Variants in RALYL observed in about 807,000 individuals in gnomAD.
RALYL encodes RALY RNA binding protein like, also known as RNA-binding Raly-like protein.
In RALYL, 29 loss-of-function variants were observed where a neutral mutation model predicts 35.1. The ratio of observed to expected loss-of-function variants is 0.83; its 90% CI spans 0.61 to 1.13. The LOEUF (loss-of-function observed/expected upper bound fraction) is 1.13, where lower values mean the gene tolerates loss of function less well. Ranked by LOEUF, RALYL falls within the 50% of genes most tolerant of loss-of-function variation. The pLI, the probability that RALYL is intolerant of heterozygous loss-of-function variation, is 0.00. For missense variants in RALYL, 359 were observed against 360.4 expected, an observed-to-expected ratio of 1.00 and a Z score of 0.03; for synonymous variants, 120 against 127.6, an observed-to-expected ratio of 0.94 and a Z score of 0.40.
At chr8:84,872,405 GTAAATTTTT>G (rs1404163175) in intron 6 of RALYL, 1 of 152,128 alleles carries the variant, frequency 6.6e-6, no homozygotes, top group Non-Finnish European at 1.5e-5. Context: ...GGACAGTGCA[GTAAATTTTT>G]TACAAATATA....
At chr8:84,304,794 A>G (rs1489312879) in intron 1 of RALYL, among the ~76,000 whole-genome samples, 5 of 152,214 alleles carry the variant, frequency 3.3e-5, no homozygotes, top group African/African-American at 1.2e-4. Flanking sequence ...TGCAGTAATG[A>G]AAGCTGATCA....
chr8:84,469,600 G>T (rs1231160786), intron 1 of RALYL, among the ~76,000 whole-genome samples: 3 of 152,148 alleles, frequency 2.0e-5, no homozygotes, highest in African/African-American at 7.2e-5. Flanking sequence ...CTTTTTGTTT[G>T]TGCCCTGCCC....
intron 2 of RALYL, among the ~76,000 whole-genome samples, chr8:84,562,589 A>C (rs552073587): frequency 1.3e-5 from 2 of 151,922 alleles, no homozygotes; most frequent in Non-Finnish European, 2.9e-5. Flanking sequence ...AATGGAACAG[A>C]TGGGCATCCA....
At chr8:84,399,177 G>A (rs1384090092) in intron 1 of RALYL, among the ~76,000 whole-genome samples, 1 of 152,066 alleles carries the variant, frequency 6.6e-6, no homozygotes, top group Non-Finnish European at 1.5e-5. Context: ...AGCAGCAGGA[G>A]TTTCATTACT....
At chr8:84,900,701 A>T (rs1220075746) in intron 8 of RALYL, among the ~76,000 whole-genome samples, 1 of 152,078 alleles carries the variant, frequency 6.6e-6, no homozygotes, top group East Asian at 1.9e-4. Flanking sequence ...AATTCTCCCT[A>T]TCAATATAGT....
intron 1 of RALYL, among the ~76,000 whole-genome samples, chr8:84,465,179 C>A (rs1321169985): frequency 2.2e-5 from 3 of 136,458 alleles, no homozygotes; most frequent in African/African-American, 8.3e-5. Context: ...TCTTTTGTTG[C>A]CATTGCTTTT....
At chr8:84,382,655 T>C (rs921439579) in intron 1 of RALYL, among the ~76,000 whole-genome samples, 2 of 151,726 alleles carry the variant, frequency 1.3e-5, no homozygotes, top group African/African-American at 2.4e-5. Context: ...TATAAAAATA[T>C]ATATCATTGA....
chr8:84,233,677 A>G (rs370802889), intron 1 of RALYL, among the ~76,000 whole-genome samples: 1 of 152,074 alleles, frequency 6.6e-6, no homozygotes, highest in African/African-American at 2.4e-5. Flanking sequence ...ATCAGTACTC[A>G]CCAAGTCCTA....
intron 1 of RALYL, among the ~76,000 whole-genome samples, chr8:84,467,120 G>C (rs966543468): frequency 6.6e-6 from 1 of 151,924 alleles, no homozygotes; most frequent in Non-Finnish European, 1.5e-5. Flanking sequence ...TTTTTTGAAG[G>C]GTTTTTTGTG....
chr8:84,878,917 A>G (rs886866385), intron 7 of RALYL, among the ~76,000 whole-genome samples: 1 of 152,142 alleles, frequency 6.6e-6, no homozygotes. Context: ...CAGTTTACCT[A>G]TGTGGGAACC....
chr8:84,452,486 T>A (rs927575021), intron 1 of RALYL, among the ~76,000 whole-genome samples: 1 of 151,932 alleles, frequency 6.6e-6, no homozygotes, highest in African/African-American at 2.4e-5. Context: ...TTTGTCTATA[T>A]TAGGAAACTT....
In RALYL at chr8:84,366,114, G is replaced by C. The variant is rs59415044; in HGVS notation, c.-23-163185G>C. Among the ~76,000 whole-genome samples the C allele has an allele frequency of 9.2e-3, 1,403 of 152,306 alleles. 32 individuals carry two copies. The highest frequency in any genetic ancestry group is 0.031 in the African/African-American group (1,307 of 41,570). ...GCTCTGTTGTCTGGTGCCAGAGAGAGAGAGAGCAATTAACTGTAATTTTCA... is the reference window on the plus strand; with the variant it reads ...GCTCTGTTGTCTGGTGCCAGAGAGACAGAGAGCAATTAACTGTAATTTTCA... On this transcript the variant is annotated intron_variant, in intron 1 of 8. Coordinates refer to ENST00000521268, the MANE Select transcript of RALYL (RefSeq NM_173848.7).
chr8:84,275,822 T>G (rs753917538), intron 1 of RALYL, among the ~76,000 whole-genome samples: 2 of 152,138 alleles, frequency 1.3e-5, no homozygotes, highest in African/African-American at 2.4e-5. Flanking sequence ...TAGTCAGTAT[T>G]TAAAATTTTC....
At chr8:84,709,518 G>A (rs1046806290) in intron 2 of RALYL, among the ~76,000 whole-genome samples, 2 of 151,524 alleles carry the variant, frequency 1.3e-5, no homozygotes, top group Admixed American at 6.6e-5. Flanking sequence ...AAAAGGTGGT[G>A]TACTGCATTT....
At chr8:84,638,965 GACACACACAC>G (rs60361195) in intron 2 of RALYL, among the ~76,000 whole-genome samples, 63 of 116,074 alleles carry the variant, frequency 5.4e-4, no homozygotes, top group South Asian at 2.3e-3. Flanking sequence ...CACACACACA[GACACACACAC>G]ACACACACAC....
At chr8:84,274,616 G>C (rs894779924) in intron 1 of RALYL, among the ~76,000 whole-genome samples, 1 of 152,106 alleles carries the variant, frequency 6.6e-6, no homozygotes, top group African/African-American at 2.4e-5. Flanking sequence ...TAATAAAACT[G>C]TTGCTGACAC....
At chr8:84,542,609 G>A (rs949941995) in intron 2 of RALYL, among the ~76,000 whole-genome samples, 1 of 152,104 alleles carries the variant, frequency 6.6e-6, no homozygotes, top group Non-Finnish European at 1.5e-5. Flanking sequence ...CTGCCACCAT[G>A]TGAGGAAGGC....
chr8:84,208,060 C>T (rs983965030), intron 1 of RALYL, among the ~76,000 whole-genome samples: 2 of 152,058 alleles, frequency 1.3e-5, no homozygotes, highest in South Asian at 2.1e-4. Context: ...TAGTAAAGAA[C>T]GGATCAAAGC....
At chr8:84,267,333 T>G (rs1833526831) in intron 1 of RALYL, among the ~76,000 whole-genome samples, 1 of 152,184 alleles carries the variant, frequency 6.6e-6, no homozygotes, top group South Asian at 2.1e-4. Flanking sequence ...CTCTAACACC[T>G]GAAGCATGCA....
Sources: allele counts gnomAD v4.1 joint callset (sites outside exome capture counted in the v4.1 genomes callset), GRCh38; gene constraint gnomAD v4.1.1; transcripts MANE v1.5; gene names NCBI Gene and HGNC (gene_info 2026-07-23, HGNC 2026-07-21).